TDG: variants seen among roughly 807,000 people sequenced by gnomAD.
TDG encodes the protein thymine DNA glycosylase, also known as G/T mismatch-specific thymine DNA glycosylase.
Under a neutral mutation model 46.1 loss-of-function variants are expected in TDG, and 23 were observed. That is an observed-to-expected ratio of 0.50 (90% CI 0.36 to 0.71). The LOEUF (loss-of-function observed/expected upper bound fraction) is 0.71. Among genes scored for constraint, TDG ranks in the 30% least tolerant of loss-of-function variants. The probability of loss-of-function intolerance (pLI) is 0.00; values close to 1 mark genes in which losing one functional copy is unlikely to be tolerated. For synonymous variants in TDG, 115 were observed against 161.3 expected (o/e 0.71, Z 2.18); for missense variants, 304 against 486.7 (o/e 0.62, Z 3.53).
intron 1 of TDG, among the ~76,000 whole-genome samples, chr12:103,974,974 C>CAAAAAAAAAAA (rs34864393): frequency 5.2e-5 from 4 of 77,226 alleles, no homozygotes; most frequent in Admixed American, 1.2e-4. Flanking sequence ...GACTCCGTCT[C>CAAAAAAAAAAA]AAAAAAAAAA....
chr12:103,967,620 C>A (rs1391456581), intron 1 of TDG, among the ~76,000 whole-genome samples: 2 of 151,816 alleles, frequency 1.3e-5, no homozygotes, highest in South Asian at 4.2e-4. Context: ...CCAGGCCTGG[C>A]TAATTTTTGT....
intron 1 of TDG, among the ~76,000 whole-genome samples, chr12:103,970,336 G>T (rs1437570682): frequency 6.6e-6 from 1 of 152,028 alleles, no homozygotes; most frequent in African/African-American, 2.4e-5. Flanking sequence ...AATTTAGCCA[G>T]GCATAGATGC....
intron 1 of TDG, among the ~76,000 whole-genome samples, chr12:103,974,752 C>T (rs867714526): frequency 1.3e-5 from 2 of 152,004 alleles, no homozygotes; most frequent in East Asian, 3.9e-4. Flanking sequence ...GGGTGGATCG[C>T]GAGGTCAGGA....
intron 1 of TDG, among the ~76,000 whole-genome samples, chr12:103,967,326 CTG>C (rs1354441552): frequency 2.0e-5 from 3 of 152,112 alleles, no homozygotes; most frequent in African/African-American, 7.2e-5. Flanking sequence ...CCTTCAGGAA[CTG>C]TGGAAAATTC....
At chr12:103,985,925 T>A (rs1461052613) in intron 9 of TDG, among the ~76,000 whole-genome samples, 197 bp downstream of exon 9, 1 of 152,102 alleles carries the variant, frequency 6.6e-6, no homozygotes, top group African/African-American at 2.4e-5. Context: ...TTCTTTTTTG[T>A]TTGTTTGTTT....
In TDG at chr12:103,978,195, CACTT is replaced by C. The variant is rs1045443611; in HGVS notation, c.166+1137_166+1140del. ...AAGGGGTGGAGAAAGAATTAGGAAA[CACTT>C]AGGAGGTAGAATTACCTAGCCATGG... On this transcript the variant is annotated intron_variant, in intron 2 of 9. Coordinates refer to ENST00000392872, the MANE Select transcript of TDG (RefSeq NM_003211.6). Among the ~76,000 whole-genome samples, 7 of 151,950 alleles carry C rather than the reference CACTT, an allele frequency of 4.6e-5. 1 individual carries two copies. The highest frequency in any genetic ancestry group is 9.7e-5 in the African/African-American group (4 of 41,418).
intron 1 of TDG, 40 bp from the exon 2 acceptor site, chr12:103,976,878 T>A: frequency 6.2e-7 from 1 of 1,607,784 alleles, no homozygotes. Flanking sequence ...TACATTTGGG[T>A]AATTTTATCA....
chr12:103,966,806 T>C (rs1049839790), intron 1 of TDG, among the ~76,000 whole-genome samples: 1 of 152,198 alleles, frequency 6.6e-6, no homozygotes, highest in Non-Finnish European at 1.5e-5. Context: ...GAAAAAAACC[T>C]ATGCCTAATG....
intron 1 of TDG, chr12:103,967,986 G>A (rs946485074): frequency 1.7e-5 from 2 of 118,282 alleles, no homozygotes; most frequent in Non-Finnish European, 3.9e-5. Context: ...CCAACACCAC[G>A]CCCAGCTAAT....
intron 5 of TDG, 46 bp from the exon 6 acceptor site, chr12:103,983,090 A>G: frequency 6.4e-7 from 1 of 1,553,212 alleles, no homozygotes; most frequent in Admixed American, 2.1e-5. Context: ...CATATTATAA[A>G]TATTGTCATA....
intron 1 of TDG, among the ~76,000 whole-genome samples, chr12:103,970,846 A>T (rs1353143172): frequency 6.6e-6 from 1 of 152,224 alleles, no homozygotes; most frequent in Non-Finnish European, 1.5e-5. Flanking sequence ...GTGTGTTTTG[A>T]GAAAGACTAT....
rs1872261455 is a variant in TDG, at chr12:103,987,904, A to G, written c.*814A>G. ...CTTTAAGAGTGTGCCATGGAAAGTG[A>G]TAAGAAATGAACTTCTAGGCTAAGC... On this transcript the variant is annotated 3_prime_UTR_variant, in exon 10 of 10. Coordinates refer to ENST00000392872, the MANE Select transcript of TDG (RefSeq NM_003211.6). 6.6e-6 allele frequency: 1 copy of G among 152,610 alleles called. No homozygotes were observed. Among genetic ancestry groups the G allele is most frequent in the Non-Finnish European group, 1.5e-5 (1 of 68,004 alleles). 9.5% of individuals were successfully genotyped at this position (152,610 alleles called of 1,614,324 possible).
At chr12:103,981,594 G>A (rs4135102) in intron 4 of TDG, among the ~76,000 whole-genome samples, 10,874 of 152,162 alleles carry the variant, frequency 0.071, 732 homozygotes, top group African/African-American at 0.17. Flanking sequence ...GCATAGTAAC[G>A]ATAGTATAGT....
At position 103,979,700 on chromosome 12, in the gene TDG, T is replaced by C. The variant is rs971892892; in HGVS notation, c.167-131T>C. 6.1e-6 allele frequency: 7 copies of C among 1,140,250 alleles called. No individual in the cohort carries two copies. The African/African-American group carries it at 7.9e-5, about 13-fold the overall frequency. The allele number at this position is 1,140,250 out of a possible 1,614,324, so 70.6% of individuals were successfully genotyped here. On this transcript the variant is annotated intron_variant, in intron 2 of 9. Coordinates refer to ENST00000392872, the MANE Select transcript of TDG (RefSeq NM_003211.6). ...GGGAAGATATTGCAGAGGAGACTCA[T>C]GTTGGGACTGTAAGAGCTTAATTTT...
intron 1 of TDG, among the ~76,000 whole-genome samples, chr12:103,976,472 ATAAAC>A (rs908507580): frequency 7.9e-5 from 12 of 152,156 alleles, no homozygotes; most frequent in South Asian, 2.1e-4. Context: ...GCAAATAAAA[ATAAAC>A]TAAAAGAGAA....
chr12:103,980,027 C>G lies in TDG; in HGVS notation c.363C>G (p.Thr121=), dbSNP rs746267426. 7 of 1,613,994 alleles carry G rather than the reference C, an allele frequency of 4.3e-6. No individual in the cohort carries two copies. The highest frequency in any genetic ancestry group is 5.1e-6 in the Non-Finnish European group (6 of 1,180,032). Residue 121 remains threonine (T), a synonymous_variant, in exon 3 of 10, where the codon ACC becomes ACG. Coordinates refer to ENST00000392872, the MANE Select transcript of TDG (RefSeq NM_003211.6). ...GTGTTTCAGAAGCTGAACTTCTGAC[C>G]AAGACTCTCCCCGATATTTTGACCT... ...FNGVSEAELL[T]KTLPDILTFN...
At position 103,979,839 on chromosome 12, in the gene TDG, A is replaced by G; in HGVS notation, c.175A>G (p.Lys59Glu). 2 of 1,570,096 alleles carry G rather than the reference A, an allele frequency of 1.3e-6. No homozygotes were observed. The highest frequency in any genetic ancestry group is 1.7e-6 in the Non-Finnish European group (2 of 1,168,194). Residue 59 changes from lysine (K) to glutamate (E), a missense_variant, in exon 3 of 10, where the codon AAA (lysine) becomes GAA (glutamate). By Grantham distance (56) the Lys-to-Glu change is moderately conservative. Transcript: ENST00000392872. ...PAQEPVQEAP[K>E]GRKRKPRTTE... ...AATTATTTGTATTTCAGAGGCTCCA[A>G]AAGGAAGAAAAAGAAAACCCAGAAC...
chr12:103,972,387 G>A (rs1337339064), intron 1 of TDG, among the ~76,000 whole-genome samples: 1 of 152,182 alleles, frequency 6.6e-6, no homozygotes, highest in African/African-American at 2.4e-5. Flanking sequence ...AAAGTGCTGG[G>A]ATTACAGGCG....
At chr12:103,975,705 A>G (rs534667808) in intron 1 of TDG, among the ~76,000 whole-genome samples, 2 of 152,118 alleles carry the variant, frequency 1.3e-5, no homozygotes, top group Admixed American at 1.3e-4. Context: ...TCTGTCACCC[A>G]GGCTGGAGTG....
Sources: allele counts gnomAD v4.1 joint callset (sites outside exome capture counted in the v4.1 genomes callset), GRCh38; gene constraint gnomAD v4.1.1; transcripts MANE v1.5; gene names NCBI Gene and HGNC (gene_info 2026-07-23, HGNC 2026-07-21).